SPOCK3: variants seen among roughly 807,000 people sequenced by gnomAD.
SPOCK3 encodes the protein testican-3.
Under a neutral mutation model 56.6 loss-of-function variants are expected in SPOCK3, and 30 were observed. The ratio of observed to expected loss-of-function variants is 0.53; its 90% confidence interval spans 0.40 to 0.72. The LOEUF is 0.72. Ranked by LOEUF, SPOCK3 falls within the 30% of genes least tolerant of loss-of-function variation. The probability of loss-of-function intolerance (pLI) is 0.00; values close to 1 mark genes in which losing one functional copy is unlikely to be tolerated. For synonymous variants in SPOCK3, 196 were observed against 183.3 expected, an observed-to-expected ratio of 1.07 and a Z score of -0.56; for missense variants, 527 against 530.0, an observed-to-expected ratio of 0.99 and a Z score of 0.06.
At chr4:166,898,932 C>G (rs930823714) in intron 5 of SPOCK3, among the ~76,000 whole-genome samples, 2 of 152,126 alleles carry the variant, frequency 1.3e-5, no homozygotes, top group African/African-American at 2.4e-5. Context: ...ACAGAAGACC[C>G]TCTCACCAAT....
intron 2 of SPOCK3, among the ~76,000 whole-genome samples, chr4:167,165,589 C>A (rs1247727304): frequency 1.3e-5 from 2 of 152,038 alleles, no homozygotes; most frequent in Non-Finnish European, 2.9e-5. Flanking sequence ...TAAAACCTAA[C>A]CTCTTTCAAT....
intron 6 of SPOCK3, among the ~76,000 whole-genome samples, chr4:166,805,463 T>A (rs985135512): frequency 2.0e-5 from 3 of 152,052 alleles, no homozygotes; most frequent in Non-Finnish European, 2.9e-5. Context: ...TACGATTTGA[T>A]AGATTAGGTA....
At chr4:167,062,695 A>G in intron 2 of SPOCK3, 158 bp from the exon 3 acceptor site, 2 of 586,512 alleles carry the variant, frequency 3.4e-6, no homozygotes, top group South Asian at 4.9e-5. Flanking sequence ...AATAAAAATA[A>G]AAAAGAAACA....
At chr4:167,049,830 C>T (rs1754036809) in intron 3 of SPOCK3, among the ~76,000 whole-genome samples, 1 of 152,070 alleles carries the variant, frequency 6.6e-6, no homozygotes, top group Non-Finnish European at 1.5e-5. Context: ...ATGATTGACC[C>T]TTTAGCTGCC....
At position 167,186,550 on chromosome 4, in the gene SPOCK3, C is replaced by A. The variant is rs962878208; in HGVS notation, c.189+47435G>T. ...GCTGAGGCAGGAGAATCATTTGAAC[C>A]CAGGAGGCGGAGGTTGCAGTGAGCC... On this transcript the variant is annotated intron_variant, in intron 2 of 10. Transcript: ENST00000357545. Among the ~76,000 whole-genome samples, 3 of 151,844 alleles carry A rather than the reference C, an allele frequency of 2.0e-5. No individual in the cohort carries two copies. In the East Asian group the frequency reaches 5.8e-4, roughly 30 times the overall value.
chr4:166,843,517 AT>A (rs1747728353), intron 6 of SPOCK3, among the ~76,000 whole-genome samples: 1 of 152,190 alleles, frequency 6.6e-6, no homozygotes, highest in Admixed American at 6.5e-5. Context: ...AGCAGCAAAA[AT>A]TATCTTACTC....
rs1019986798 is a variant in SPOCK3, at chr4:166,734,643, C to T, written c.*278G>A. 6 of 264,608 alleles carry T rather than the reference C, an allele frequency of 2.3e-5. No individual in the cohort carries two copies. Among genetic ancestry groups the T allele is most frequent in the African/African-American group, 8.8e-5 (4 of 45,474 alleles). The allele number at this position is 264,608 out of a possible 1,614,324, so 16.4% of individuals were successfully genotyped here. On this transcript the variant is annotated 3_prime_UTR_variant, in exon 11 of 11. Coordinates refer to ENST00000357545, the MANE Select transcript of SPOCK3 (RefSeq NM_001040159.2). The stretch of plus-strand genomic sequence containing the variant: ...ATGGAAGATTTACAAAGTTTGTTCT[C>T]GTGAAAAACTTATTATAGTAGCACT...
At chr4:167,073,333 T>C (rs952599446) in intron 2 of SPOCK3, among the ~76,000 whole-genome samples, 2 of 151,758 alleles carry the variant, frequency 1.3e-5, no homozygotes, top group Admixed American at 1.3e-4. Context: ...TCAACAAAAA[T>C]ACAGTGCTGT....
At chr4:167,110,524 A>G (rs1218906598) in intron 2 of SPOCK3, among the ~76,000 whole-genome samples, 2 of 152,208 alleles carry the variant, frequency 1.3e-5, no homozygotes, top group African/African-American at 4.8e-5. Context: ...GATAAATTAC[A>G]GATTCTTAAT....
At chr4:167,011,275 A>G in intron 3 of SPOCK3, 1 of 456,110 alleles carries the variant, frequency 2.2e-6, no homozygotes, top group Non-Finnish European at 4.4e-6. Flanking sequence ...ACATCACACA[A>G]AAATCCCCAA....
At chr4:166,931,107 G>A (rs1018268633) in intron 4 of SPOCK3, among the ~76,000 whole-genome samples, 4 of 152,012 alleles carry the variant, frequency 2.6e-5, no homozygotes, top group Non-Finnish European at 5.9e-5. Context: ...TCAGCCTCCC[G>A]AGCAGCTGAG....
intron 2 of SPOCK3, among the ~76,000 whole-genome samples, chr4:167,093,392 A>G (rs1758873629): frequency 6.6e-6 from 1 of 152,102 alleles, no homozygotes; most frequent in South Asian, 2.1e-4. Context: ...TGCTGTACCC[A>G]TCAACCCGTC....
intron 6 of SPOCK3, among the ~76,000 whole-genome samples, chr4:166,793,348 G>T (rs942953294): frequency 4.6e-5 from 7 of 152,030 alleles, no homozygotes; most frequent in Non-Finnish European, 8.8e-5. Flanking sequence ...TCTAAAGTAG[G>T]GGTATCCAAT....
intron 2 of SPOCK3, among the ~76,000 whole-genome samples, chr4:167,146,009 G>T (rs1049142617): frequency 6.6e-6 from 1 of 152,106 alleles, no homozygotes; most frequent in Admixed American, 6.6e-5. Flanking sequence ...AAAAGACACA[G>T]ACTGGTAAAT....
intron 8 of SPOCK3, among the ~76,000 whole-genome samples, chr4:166,747,005 C>A (rs1735707963): frequency 6.6e-6 from 1 of 151,944 alleles, no homozygotes; most frequent in Non-Finnish European, 1.5e-5. Context: ...GCCTACCAAC[C>A]AAAAAAAGTC....
intron 4 of SPOCK3, among the ~76,000 whole-genome samples, chr4:166,913,373 C>A (rs558438204): frequency 3.3e-5 from 5 of 152,070 alleles, no homozygotes; most frequent in Non-Finnish European, 7.4e-5. Flanking sequence ...TTGTTTGTTT[C>A]CCCACTTTGG....
chr4:166,789,874 A>G (rs776656006), intron 7 of SPOCK3, among the ~76,000 whole-genome samples: 3 of 152,194 alleles, frequency 2.0e-5, no homozygotes, highest in Non-Finnish European at 4.4e-5. Flanking sequence ...CAGTCTGGCA[A>G]TATCTATTAT....
At chr4:166,813,673 T>A (rs1342609772) in intron 6 of SPOCK3, among the ~76,000 whole-genome samples, 1 of 151,824 alleles carries the variant, frequency 6.6e-6, no homozygotes, top group Middle Eastern at 3.2e-3. Context: ...AAATATATAT[T>A]TTATATTGCA....
intron 7 of SPOCK3, among the ~76,000 whole-genome samples, chr4:166,763,164 A>G (rs1706758302): frequency 6.6e-6 from 1 of 152,068 alleles, no homozygotes; most frequent in Admixed American, 6.6e-5. Context: ...TAGCCAGACA[A>G]ATACTGAAAC....
Sources: gnomAD v4.1 joint callset for allele counts (sites outside exome capture counted in the v4.1 genomes callset) on GRCh38, gnomAD v4.1.1 for gene constraint, MANE v1.5 for transcripts, NCBI Gene and HGNC (gene_info 2026-07-23, HGNC 2026-07-21) for gene names.